The following AFF3 variants were observed in gnomAD, a reference collection of about 807,000 sequenced individuals.
AFF3 encodes the protein ALF transcription elongation factor 3.
Under a neutral mutation model 129.7 loss-of-function variants are expected in AFF3, and 32 were observed. That is an observed-to-expected ratio of 0.25 (90% CI 0.19 to 0.33). The LOEUF (loss-of-function observed/expected upper bound fraction) is 0.33, where lower values mean the gene tolerates loss of function less well. AFF3 is among the 10% of genes least tolerant of loss of function. The probability of loss-of-function intolerance (pLI) is 1.00; values close to 1 mark genes in which losing one functional copy is unlikely to be tolerated. For synonymous variants in AFF3, 644 were observed against 635.4 expected, an observed-to-expected ratio of 1.01 and a Z score of -0.20; for missense variants, 1,373 against 1,592.0, an observed-to-expected ratio of 0.86 and a Z score of 2.34.
chr2:100,135,251 T>A (rs529460791), intron 1 of AFF3, among the ~76,000 whole-genome samples: 1 of 152,282 alleles, frequency 6.6e-6, no homozygotes, highest in South Asian at 2.1e-4. Context: ...GTGTGTGAGA[T>A]CTTTTGCAAT....
intron 7 of AFF3, among the ~76,000 whole-genome samples, chr2:99,917,019 A>G (rs1166314749): frequency 6.6e-6 from 1 of 152,156 alleles, no homozygotes; most frequent in African/African-American, 2.4e-5. Flanking sequence ...AACTTCCAAC[A>G]ACAGACTCAA....
chr2:99,807,814 T>C (rs1686470681), intron 8 of AFF3, among the ~76,000 whole-genome samples: 1 of 152,030 alleles, frequency 6.6e-6, no homozygotes, highest in African/African-American at 2.4e-5. Context: ...CACATCCTAC[T>C]GTGAGAACCA....
intron 7 of AFF3, among the ~76,000 whole-genome samples, chr2:99,959,722 T>C (rs1262192019): frequency 6.7e-6 from 1 of 149,312 alleles, no homozygotes; most frequent in Admixed American, 6.7e-5. Context: ...TATATATATA[T>C]GCGATTATTG....
At chr2:99,890,054 T>C (rs549361405) in intron 7 of AFF3, among the ~76,000 whole-genome samples, 4 of 152,186 alleles carry the variant, frequency 2.6e-5, no homozygotes, top group Non-Finnish European at 5.9e-5. Flanking sequence ...AGTTCTGAAA[T>C]AGGAGGGCTC....
intron 11 of AFF3, among the ~76,000 whole-genome samples, chr2:99,688,780 C>T (rs1038458908): frequency 2.0e-5 from 3 of 152,198 alleles, no homozygotes; most frequent in African/African-American, 7.2e-5. Flanking sequence ...GGCCACTGCG[C>T]CTGGGCATCT....
intron 13 of AFF3, among the ~76,000 whole-genome samples, chr2:99,611,508 T>C (rs567612130): frequency 1.3e-5 from 2 of 152,158 alleles, no homozygotes; most frequent in East Asian, 3.9e-4. Context: ...AAGGTAGAAG[T>C]TTAAGCTCCC....
Position 99,837,497 on chromosome 2 carries a change from A to C in AFF3, c.901T>G (p.Cys301Gly), listed in dbSNP as rs752876441. ...CTTACCCGGATTATTTCTTCAACACAGCTGTTGGTTTCTCCAGATCTACTC... is the reference window on the plus strand; with the variant it reads ...CTTACCCGGATTATTTCTTCAACACCGCTGTTGGTTTCTCCAGATCTACTC... ...EESRSGETNSCVEEIIREMTW... is the reference protein window; with the variant it reads ...EESRSGETNSGVEEIIREMTW... Residue 301 changes from cysteine (C) to glycine (G), a missense_variant, in exon 8 of 25, where the codon TGT (cysteine) becomes GGT (glycine). This residue lies in a region of AFF3 where 413 missense variants were observed against 424.4 expected (regional missense o/e 0.97). Coordinates refer to ENST00000672756, the MANE Select transcript of AFF3 (RefSeq NM_001386135.1). 1.2e-6 allele frequency: 2 copies of C among 1,613,874 alleles called. No homozygotes were observed.
intron 7 of AFF3, among the ~76,000 whole-genome samples, chr2:99,905,299 T>C (rs1694631152): frequency 6.6e-6 from 1 of 152,158 alleles, no homozygotes; most frequent in African/African-American, 2.4e-5. Flanking sequence ...ACCCTGCCTG[T>C]CTGGGGAAAG....
At chr2:99,608,025 T>C (rs1225884947) in intron 13 of AFF3, among the ~76,000 whole-genome samples, 1 of 152,228 alleles carries the variant, frequency 6.6e-6, no homozygotes, top group Non-Finnish European at 1.5e-5. Context: ...TTGTTTGTTC[T>C]GCAACACTTC....
At chr2:99,942,226 T>C (rs1044089157) in intron 7 of AFF3, among the ~76,000 whole-genome samples, 14 of 152,132 alleles carry the variant, frequency 9.2e-5, no homozygotes, top group African/African-American at 2.4e-4. Flanking sequence ...ACTCAGGAAG[T>C]AGTGGTAACT....
intron 17 of AFF3, among the ~76,000 whole-genome samples, chr2:99,581,929 A>C (rs535685265): frequency 1.4e-5 from 2 of 142,508 alleles, no homozygotes; most frequent in South Asian, 4.4e-4. Flanking sequence ...ATCTCAGCTC[A>C]CTGCAACCTC....
At chr2:99,830,702 A>C (rs193277535) in intron 8 of AFF3, among the ~76,000 whole-genome samples, 1 of 152,272 alleles carries the variant, frequency 6.6e-6, no homozygotes, top group African/African-American at 2.4e-5. Flanking sequence ...GCCACTGTAC[A>C]CCAGCCTGGG....
intron 4 of AFF3, among the ~76,000 whole-genome samples, chr2:100,055,166 C>T (rs924669044): frequency 3.3e-5 from 5 of 152,130 alleles, no homozygotes; most frequent in African/African-American, 1.2e-4. Flanking sequence ...CAAATCACCA[C>T]CTGACACTTC....
chr2:100,038,402 A>AAG (rs1389230123), intron 4 of AFF3, among the ~76,000 whole-genome samples: 5 of 152,270 alleles, frequency 3.3e-5, no homozygotes, highest in African/African-American at 1.2e-4. Context: ...ATTTATAAAA[A>AAG]AGAGAAGGGC....
At chr2:99,873,793 T>C (rs1489666559) in intron 7 of AFF3, among the ~76,000 whole-genome samples, 2 of 151,774 alleles carry the variant, frequency 1.3e-5, no homozygotes, top group Non-Finnish European at 2.9e-5. Flanking sequence ...TTATGTCCAC[T>C]GAGAACATTC....
At chr2:100,039,495 T>TATGATGACATA (rs1205440476) in intron 4 of AFF3, among the ~76,000 whole-genome samples, 1 of 151,986 alleles carries the variant, frequency 6.6e-6, no homozygotes, top group Non-Finnish European at 1.5e-5. Context: ...GAGTCAAGGC[T>TATGATGACATA]GCAATGAGCT....
intron 4 of AFF3, among the ~76,000 whole-genome samples, chr2:100,012,508 C>A (rs1397140005): frequency 6.6e-6 from 1 of 152,204 alleles, no homozygotes; most frequent in Non-Finnish European, 1.5e-5. Context: ...TCTGAACTCT[C>A]ACCTTTCTAC....
At chr2:99,955,037 G>C (rs1325478167) in intron 7 of AFF3, among the ~76,000 whole-genome samples, 1 of 151,670 alleles carries the variant, frequency 6.6e-6, no homozygotes, top group East Asian at 1.9e-4. Flanking sequence ...AGAGAGGATA[G>C]ATTTCATATA....
chr2:100,030,375 C>G (rs1270616737), intron 4 of AFF3, among the ~76,000 whole-genome samples: 1 of 152,030 alleles, frequency 6.6e-6, no homozygotes, highest in Non-Finnish European at 1.5e-5. Flanking sequence ...ATCCAAAAAG[C>G]TAATGTACAG....
Sources: gnomAD v4.1 joint callset for allele counts (sites outside exome capture counted in the v4.1 genomes callset) on GRCh38, gnomAD v4.1.1 for gene constraint, gnomAD v4.1.1 regional missense constraint, MANE v1.5 for transcripts, NCBI Gene and HGNC (gene_info 2026-07-23, HGNC 2026-07-21) for gene names.